ABCA13: variants seen among roughly 807,000 people sequenced by gnomAD.
ABCA13 encodes ATP binding cassette subfamily A member 13.
A neutral mutation model predicts 478.7 loss-of-function variants in ABCA13; 476 were observed. The observed-to-expected ratio is 0.99, with a 90% CI of 0.92 to 1.07. ABCA13 has a LOEUF of 1.07. Ranked by LOEUF, ABCA13 falls within the 50% of genes least tolerant of loss-of-function variation. ABCA13 has a pLI of 0.00. For synonymous variants in ABCA13, 2,252 were observed against 2,158.9 expected (o/e 1.04, Z -1.20); for missense variants, 6,060 against 5,910.6 (o/e 1.03, Z -0.83).
intron 18 of ABCA13, among the ~76,000 whole-genome samples, chr7:48,280,495 A>C (rs896543777): frequency 6.6e-6 from 1 of 152,202 alleles, no homozygotes; most frequent in African/African-American, 2.4e-5. Flanking sequence ...CCTTGGAAGC[A>C]GTCTGTTGCC....
chr7:48,581,273 G>A (rs890784386), intron 56 of ABCA13, among the ~76,000 whole-genome samples: 1 of 152,132 alleles, frequency 6.6e-6, no homozygotes, highest in South Asian at 2.1e-4. Flanking sequence ...GTCCATGAAC[G>A]TTCATTCTCT....
At chr7:48,266,209 T>G (rs1794851778) in intron 15 of ABCA13, among the ~76,000 whole-genome samples, 1 of 151,744 alleles carries the variant, frequency 6.6e-6, no homozygotes, top group African/African-American at 2.4e-5. Flanking sequence ...TCAGTTTTTA[T>G]GAGGGGCAGT....
At chr7:48,270,261 G>A (rs1376475341) in intron 16 of ABCA13, among the ~76,000 whole-genome samples, 12 of 151,958 alleles carry the variant, frequency 7.9e-5, no homozygotes, top group Non-Finnish European at 1.6e-4. Flanking sequence ...AAAATAAAAA[G>A]TTTCTTTTTT....
chr7:48,492,439 ATATT>A lies in ABCA13; in HGVS notation c.13291+3101_13291+3104del, dbSNP rs370522245. Among the ~76,000 whole-genome samples, 429 of 152,232 alleles carry A rather than the reference ATATT, an allele frequency of 2.8e-3. 2 individuals carry two copies. Among genetic ancestry groups the A allele is most frequent in the African/African-American group, 9.9e-3 (410 of 41,528 alleles). On this transcript the variant is annotated intron_variant, in intron 48 of 61. Transcript: ENST00000435803. ...TTATTTGCTTATGAAATTCATCCAT[ATATT>A]TATTTCTATCAAGCATTCATATAAT...
intron 38 of ABCA13, 112 bp from the exon 39 acceptor site, chr7:48,403,571 A>G (rs1817883264): frequency 3.7e-6 from 4 of 1,073,106 alleles, no homozygotes; most frequent in Non-Finnish European, 2.7e-6. Flanking sequence ...TCTGTGATAT[A>G]TTTGTGGTTT....
At chr7:48,561,173 T>G (rs1332507098) in intron 55 of ABCA13, among the ~76,000 whole-genome samples, 2 of 152,180 alleles carry the variant, frequency 1.3e-5, no homozygotes, top group Admixed American at 1.3e-4. Flanking sequence ...ATTCCATAAC[T>G]TAGCTATTGT....
chr7:48,453,366 T>C (rs67563133), intron 42 of ABCA13, among the ~76,000 whole-genome samples: 26,704 of 152,112 alleles, frequency 0.18, 2,621 homozygotes, highest in African/African-American at 0.25. Context: ...TAGAACTTTA[T>C]TCATTAAAAT....
chr7:48,290,939 G>GA (rs754416012), intron 20 of ABCA13, among the ~76,000 whole-genome samples: 1,843 of 79,566 alleles, frequency 0.023, 147 homozygotes, highest in African/African-American at 0.091. Context: ...TCACACTCAG[G>GA]GAAAAAAAAA....
chr7:48,335,045 C>A (rs118168942), intron 27 of ABCA13, among the ~76,000 whole-genome samples: 3 of 152,162 alleles, frequency 2.0e-5, no homozygotes, highest in Non-Finnish European at 4.4e-5. Flanking sequence ...ATTCTATCCT[C>A]AATAGTGTTG....
chr7:48,463,157 C>T (rs537409205), intron 43 of ABCA13, among the ~76,000 whole-genome samples: 2 of 152,148 alleles, frequency 1.3e-5, no homozygotes, highest in South Asian at 4.1e-4. Flanking sequence ...AGTGTGTATT[C>T]CTGCAGCACC....
chr7:48,247,714 A>T (rs2128685249), intron 13 of ABCA13, among the ~76,000 whole-genome samples: 1 of 152,064 alleles, frequency 6.6e-6, no homozygotes. Context: ...TCTCCAGGTA[A>T]CCTCTCCATA....
Position 48,511,214 on chromosome 7 carries a change from A to T in ABCA13, c.13640+15A>T. On this transcript the variant is annotated intron_variant, in intron 51 of 61. Transcript: ENST00000435803. ...TCACTTTTCGGGTATGTGATGAGAAACGCTGCTGCAGAATTACGGTTTGTT... is the reference window on the plus strand; with the variant it reads ...TCACTTTTCGGGTATGTGATGAGAATCGCTGCTGCAGAATTACGGTTTGTT... The T allele has an allele frequency of 6.3e-7, 1 of 1,591,118 alleles. No individual in the cohort carries two copies. The highest frequency in any genetic ancestry group is 1.1e-5 in the South Asian group (1 of 89,020).
chr7:48,475,782 C>T (rs911978492), intron 45 of ABCA13, among the ~76,000 whole-genome samples: 1 of 152,086 alleles, frequency 6.6e-6, no homozygotes, highest in Non-Finnish European at 1.5e-5. Flanking sequence ...CATGTTTTAT[C>T]AAATATGCTG....
chr7:48,196,842 A>G (rs1051336951), intron 2 of ABCA13, among the ~76,000 whole-genome samples: 3 of 152,160 alleles, frequency 2.0e-5, no homozygotes, highest in Admixed American at 1.3e-4. Context: ...ACCATGTGGA[A>G]GATGTTCTGT....
At position 48,249,259 on chromosome 7, in the gene ABCA13, A is replaced by C; in HGVS notation, c.1913A>C (p.Tyr638Ser). The change falls in exon 15 of 62, where the codon TAT becomes TCT. Residue 638 changes from tyrosine to serine, a missense_variant. By Grantham distance (144) the Tyr-to-Ser change is moderately radical. Around this residue, in one of 3 missense-constraint regions of ABCA13, gnomAD observed 4,423 missense variants for 4,309.1 expected, o/e 1.03. Transcript: ENST00000435803. ...EKTQFFLEQA[Y>S]YWKAFKKFIR... ...ACACAATTTTTCCTGGAACAAGCAT[A>C]TTATTGGAAAGCCTTCAAAAAGTTT... The C allele has an allele frequency of 6.2e-7, 1 of 1,613,294 alleles. No homozygotes were observed. The highest frequency in any genetic ancestry group is 1.7e-4 in the Middle Eastern group (1 of 6,054).
rs267601527 is a variant in ABCA13, at chr7:48,272,372, C to G, written c.2706C>G (p.Leu902=). Residue 902 remains leucine, a synonymous_variant, in exon 17 of 62, where the codon CTC becomes CTG. Coordinates refer to ENST00000435803, the MANE Select transcript of ABCA13 (RefSeq NM_152701.5). ...TAAGTGAGGCTATAATAACTAGTCT[C>G]CATGAATTTGGATTTTTGGAGCAGG... ...VRLSEAIITS[L]HEFGFLEQEQ... The G allele has an allele frequency of 1.9e-5, 31 of 1,613,642 alleles. No individual in the cohort carries two copies. In the East Asian group the frequency reaches 5.3e-4, roughly 28 times the overall value.
At chr7:48,602,901 T>A (rs1437150243) in intron 58 of ABCA13, among the ~76,000 whole-genome samples, 1 of 152,194 alleles carries the variant, frequency 6.6e-6, no homozygotes, top group African/African-American at 2.4e-5. Flanking sequence ...CTCTTTTATT[T>A]CCTTGAGCAG....
intron 55 of ABCA13, among the ~76,000 whole-genome samples, chr7:48,531,343 C>T (rs1258639665): frequency 1.3e-5 from 2 of 151,922 alleles, no homozygotes; most frequent in Non-Finnish European, 2.9e-5. Context: ...CTGTTCCATT[C>T]GTCTATGTGC....
At position 48,387,960 on chromosome 7, in the gene ABCA13, GT is replaced by G; in HGVS notation, c.11473+4del. 6.3e-7 allele frequency: 1 copy of G among 1,596,144 alleles called. No individual in the cohort carries two copies. Among genetic ancestry groups the G allele is most frequent in the Non-Finnish European group, 8.5e-7 (1 of 1,175,168 alleles). On this transcript the variant is annotated splice_donor_variant, in intron 36 of 61. Coordinates refer to ENST00000435803, the MANE Select transcript of ABCA13 (RefSeq NM_152701.5). LOFTEE classifies it high-confidence loss of function. ...TTCAATGAGAACTTTGACAATAAAGGTTTGTAAGGAGTAGAATTATTAGATG... is the reference window on the plus strand; with the variant it reads ...TTCAATGAGAACTTTGACAATAAAGGTTGTAAGGAGTAGAATTATTAGATG...
Sources: gnomAD v4.1 joint callset for allele counts (sites outside exome capture counted in the v4.1 genomes callset) on GRCh38, gnomAD v4.1.1 for gene constraint, gnomAD v4.1.1 regional missense constraint, MANE v1.5 for transcripts, NCBI Gene and HGNC (gene_info 2026-07-23, HGNC 2026-07-21) for gene names.